The following LRRTM4 variants were observed in gnomAD, a reference collection of about 807,000 sequenced individuals.
LRRTM4 encodes the protein leucine-rich repeat transmembrane neuronal protein 4.
In LRRTM4, 25 loss-of-function variants were observed where a neutral mutation model predicts 47.6. That is an observed-to-expected ratio of 0.53 (90% confidence interval 0.38 to 0.73). LRRTM4 has a LOEUF of 0.73. Among genes scored for constraint, LRRTM4 ranks in the 30% least tolerant of loss-of-function variants. The pLI is 0.00. For synonymous variants in LRRTM4, 311 were observed against 269.5 expected, an observed-to-expected ratio of 1.15 and a Z score of -1.51; for missense variants, 638 against 713.4, an observed-to-expected ratio of 0.89 and a Z score of 1.20.
At chr2:77,324,031 GTTT>G (rs1670656568) in intron 3 of LRRTM4, among the ~76,000 whole-genome samples, 1 of 152,038 alleles carries the variant, frequency 6.6e-6, no homozygotes. Context: ...TTCAGATTAG[GTTT>G]TCTAACCAAC....
At chr2:77,240,510 G>C (rs778502397) in intron 3 of LRRTM4, among the ~76,000 whole-genome samples, 3 of 151,926 alleles carry the variant, frequency 2.0e-5, no homozygotes, top group Non-Finnish European at 4.4e-5. Context: ...TCTTTTCTAA[G>C]ATAAAAATGT....
intron 3 of LRRTM4, among the ~76,000 whole-genome samples, chr2:76,759,418 C>G (rs1292894166): frequency 6.6e-6 from 1 of 152,092 alleles, no homozygotes. Flanking sequence ...AGTTACTATT[C>G]AGGTCATTTA....
At chr2:76,861,186 C>CAAA (rs1382810925) in intron 3 of LRRTM4, among the ~76,000 whole-genome samples, 1 of 152,112 alleles carries the variant, frequency 6.6e-6, no homozygotes, top group Non-Finnish European at 1.5e-5. Context: ...GAAGTTATTT[C>CAAA]AACCCTACCA....
chr2:77,382,175 A>G (rs1273067451), intron 3 of LRRTM4, among the ~76,000 whole-genome samples: 3 of 152,096 alleles, frequency 2.0e-5, no homozygotes, highest in Non-Finnish European at 4.4e-5. Flanking sequence ...AACCTATGGC[A>G]TACATAAAAA....
At chr2:76,809,505 A>T (rs547417924) in intron 3 of LRRTM4, among the ~76,000 whole-genome samples, 4 of 152,190 alleles carry the variant, frequency 2.6e-5, no homozygotes, top group African/African-American at 7.2e-5. Flanking sequence ...TGGGGGGAAA[A>T]ATTGTAACCT....
chr2:77,472,273 T>G (rs999983112), intron 3 of LRRTM4, among the ~76,000 whole-genome samples: 1 of 152,144 alleles, frequency 6.6e-6, no homozygotes. Flanking sequence ...AAATAAGTTA[T>G]AGTGCCAACA....
intron 3 of LRRTM4, among the ~76,000 whole-genome samples, chr2:76,959,549 C>A (rs1675783337): frequency 6.6e-6 from 1 of 151,578 alleles, no homozygotes; most frequent in South Asian, 2.1e-4. Context: ...GACAAACAGG[C>A]ATATACTCCT....
chr2:76,917,464 T>A (rs1674291927), intron 3 of LRRTM4, among the ~76,000 whole-genome samples: 1 of 152,190 alleles, frequency 6.6e-6, no homozygotes, highest in Admixed American at 6.5e-5. Flanking sequence ...TCGCTCAGAA[T>A]CACACCAAAC....
At chr2:77,054,778 G>A (rs915980959) in intron 3 of LRRTM4, among the ~76,000 whole-genome samples, 1 of 152,134 alleles carries the variant, frequency 6.6e-6, no homozygotes, top group African/African-American at 2.4e-5. Context: ...AAACAATCAG[G>A]CTGCTATTTC....
At chr2:77,468,802 A>C (rs1343058961) in intron 3 of LRRTM4, among the ~76,000 whole-genome samples, 1 of 152,184 alleles carries the variant, frequency 6.6e-6, no homozygotes, top group African/African-American at 2.4e-5. Flanking sequence ...ACCCCTACAC[A>C]GGCCATATCC....
intron 3 of LRRTM4, among the ~76,000 whole-genome samples, chr2:77,428,899 T>C (rs1402535700): frequency 1.3e-5 from 2 of 152,228 alleles, no homozygotes; most frequent in Non-Finnish European, 1.5e-5. Flanking sequence ...GCACATAGTG[T>C]GCTGCTTAAC....
At chr2:77,289,246 T>C (rs976963536) in intron 3 of LRRTM4, among the ~76,000 whole-genome samples, 2 of 152,026 alleles carry the variant, frequency 1.3e-5, no homozygotes, top group African/African-American at 2.4e-5. Flanking sequence ...TACAACAATA[T>C]GTCCTAATTT....
rs965661418 is a variant in LRRTM4 at position 77,522,090 on chromosome 2, A to G, written c.-148+19T>C. ...CTTCTCTGTAAAAAGAGAGGAAAAA[A>G]AGAAAATCTTCAGAATACCTGGCAT... On this transcript the variant is annotated intron_variant, in intron 1 of 3. Coordinates refer to ENST00000409884, the MANE Select transcript of LRRTM4 (RefSeq NM_001134745.3). 7.0e-6 allele frequency: 5 copies of G among 715,950 alleles called. No homozygotes were observed. The highest frequency in any genetic ancestry group is 2.3e-4 in the Middle Eastern group (1 of 4,378). 44.3% of individuals were successfully genotyped at this position (715,950 alleles called of 1,614,324 possible).
chr2:76,944,246 CT>C (rs1229660517), intron 3 of LRRTM4, among the ~76,000 whole-genome samples: 2 of 152,092 alleles, frequency 1.3e-5, no homozygotes, highest in African/African-American at 4.8e-5. Flanking sequence ...TAATTCCTCT[CT>C]TTTATGCTCC....
At chr2:77,452,842 C>T (rs1225082518) in intron 3 of LRRTM4, among the ~76,000 whole-genome samples, 1 of 152,014 alleles carries the variant, frequency 6.6e-6, no homozygotes, top group Non-Finnish European at 1.5e-5. Flanking sequence ...TTCAGTATAC[C>T]ACAGGTCACT....
At chr2:76,905,529 G>C (rs1046888602) in intron 3 of LRRTM4, among the ~76,000 whole-genome samples, 1 of 152,054 alleles carries the variant, frequency 6.6e-6, no homozygotes, top group African/African-American at 2.4e-5. Context: ...AGAGAAGAAG[G>C]CTTCAGACGA....
At chr2:76,780,222 A>C (rs1230289040) in intron 3 of LRRTM4, among the ~76,000 whole-genome samples, 1 of 152,126 alleles carries the variant, frequency 6.6e-6, no homozygotes, top group East Asian at 1.9e-4. Context: ...ACTTTGGTGA[A>C]TCTGACAATT....
At chr2:76,844,644 T>C (rs1417872543) in intron 3 of LRRTM4, among the ~76,000 whole-genome samples, 1 of 152,190 alleles carries the variant, frequency 6.6e-6, no homozygotes, top group Admixed American at 6.5e-5. Flanking sequence ...TAATGAAATT[T>C]AAAACTACTG....
chr2:77,214,681 T>C (rs1674387847), intron 3 of LRRTM4, among the ~76,000 whole-genome samples: 1 of 152,000 alleles, frequency 6.6e-6, no homozygotes, highest in Non-Finnish European at 1.5e-5. Context: ...GTGGCAAAAA[T>C]ACTATTTTTA....
Sources: gnomAD v4.1 joint callset for allele counts (sites outside exome capture counted in the v4.1 genomes callset) on GRCh38, gnomAD v4.1.1 for gene constraint, MANE v1.5 for transcripts, NCBI Gene and HGNC (gene_info 2026-07-23, HGNC 2026-07-21) for gene names.